SYNJ2BP: variants seen among roughly 807,000 people sequenced by gnomAD.
SYNJ2BP encodes synaptojanin-2-binding protein.
SYNJ2BP carries 10 observed loss-of-function variants against 16.9 expected under a neutral mutation model. The observed-to-expected ratio is 0.59, with a 90% CI of 0.36 to 1.00. SYNJ2BP has a LOEUF of 1.00. SYNJ2BP is among the 50% of genes least tolerant of loss of function. The probability of loss-of-function intolerance (pLI) is 0.01; values close to 1 mark genes in which losing one functional copy is unlikely to be tolerated. For missense variants in SYNJ2BP, 162 were observed against 186.7 expected (o/e 0.87, Z 0.77); for synonymous variants, 54 against 68.4 (o/e 0.79, Z 1.04).
At chr14:70,376,972 G>C (rs1887644544) in intron 2 of SYNJ2BP, among the ~76,000 whole-genome samples, 2 of 152,122 alleles carry the variant, frequency 1.3e-5, no homozygotes, top group African/African-American at 4.8e-5. Flanking sequence ...AATACAGTTG[G>C]TGAATGAATC....
At chr14:70,410,320 G>A (rs1190724146) in intron 1 of SYNJ2BP, among the ~76,000 whole-genome samples, 1 of 151,876 alleles carries the variant, frequency 6.6e-6, no homozygotes, top group East Asian at 1.9e-4. Flanking sequence ...GCTACTTGAG[G>A]GGCTGAGACA....
Position 70,366,978 on chromosome 14 carries a change from T to C in SYNJ2BP, c.*6013A>G, listed in dbSNP as rs1887401653. On this transcript the variant is annotated 3_prime_UTR_variant, in exon 4 of 4. Transcript: ENST00000256366. ...CAAACTAGGAGGAAGGACTAACCCTTTTCCTGGGATTAGTAACTAAATTTA... is the reference window on the plus strand; with the variant it reads ...CAAACTAGGAGGAAGGACTAACCCTCTTCCTGGGATTAGTAACTAAATTTA... 1 of 152,200 alleles carries C rather than the reference T, an allele frequency of 6.6e-6. No homozygotes were observed. The highest frequency in any genetic ancestry group is 6.5e-5 in the Admixed American group (1 of 15,284). 9.4% of individuals were successfully genotyped at this position (152,200 alleles called of 1,614,324 possible).
intron 1 of SYNJ2BP, among the ~76,000 whole-genome samples, chr14:70,413,636 C>CA (rs986469369): frequency 6.6e-6 from 1 of 151,772 alleles, no homozygotes; most frequent in South Asian, 2.1e-4. Context: ...AGACGCGTCT[C>CA]AAAAAAAAGA....
At chr14:70,400,085 A>G (rs935174737) in intron 1 of SYNJ2BP, among the ~76,000 whole-genome samples, 2 of 152,262 alleles carry the variant, frequency 1.3e-5, no homozygotes, top group Non-Finnish European at 2.9e-5. Flanking sequence ...GGATTATTTC[A>G]GTCTTCCATT....
chr14:70,399,251 A>C (rs556861329), intron 1 of SYNJ2BP, among the ~76,000 whole-genome samples: 1 of 152,216 alleles, frequency 6.6e-6, no homozygotes, highest in South Asian at 2.1e-4. Context: ...CCCTGGCCTC[A>C]CGGCCCCTCT....
intron 1 of SYNJ2BP, among the ~76,000 whole-genome samples, chr14:70,416,574 GA>G (rs1379856885): frequency 6.6e-6 from 1 of 151,950 alleles, no homozygotes; most frequent in African/African-American, 2.4e-5. Flanking sequence ...ACAGGCAACG[GA>G]AAGAAGGATG....
intron 1 of SYNJ2BP, among the ~76,000 whole-genome samples, chr14:70,402,577 C>T (rs1888262863): frequency 6.6e-6 from 1 of 151,662 alleles, no homozygotes; most frequent in South Asian, 2.1e-4. Flanking sequence ...ACAGGTGGTG[C>T]ACCTGTAGTC....
chr14:70,372,840 G>T lies in SYNJ2BP; in HGVS notation c.*151C>A. ...CTTTACTTTCCCATTAGAATATGAA[G>T]AATTGGAGACTGTGAACAGCAAGGT... On this transcript the variant is annotated 3_prime_UTR_variant, in exon 4 of 4. Transcript: ENST00000256366. The T allele has an allele frequency of 8.8e-7, 1 of 1,136,454 alleles. No individual in the cohort carries two copies. The highest frequency in any genetic ancestry group is 1.2e-6 in the Non-Finnish European group (1 of 806,442). The allele number at this position is 1,136,454 out of a possible 1,614,324, so 70.4% of individuals were successfully genotyped here.
At chr14:70,374,013 A>G (rs1887572568) in intron 3 of SYNJ2BP, among the ~76,000 whole-genome samples, 1 of 152,188 alleles carries the variant, frequency 6.6e-6, no homozygotes, top group Admixed American at 6.5e-5. Context: ...TTTTTCATTC[A>G]TTTGCTGATG....
intron 2 of SYNJ2BP, 130 bp downstream of exon 2, chr14:70,388,340 T>C (rs1390578164): frequency 7.6e-7 from 1 of 1,307,852 alleles, no homozygotes; most frequent in Non-Finnish European, 9.8e-7. Context: ...CTGATCAAAG[T>C]TGTTCCCATT....
rs1248792808 is a variant in SYNJ2BP at position 70,367,878 on chromosome 14, G to A, written c.*5113C>T. 6.6e-6 allele frequency: 1 copy of A among 152,126 alleles called. No homozygotes were observed. The highest frequency in any genetic ancestry group is 1.5e-5 in the Non-Finnish European group (1 of 68,036). 9.4% of individuals were successfully genotyped at this position (152,126 alleles called of 1,614,324 possible). A position where few individuals can be genotyped will look rare whatever the true frequency, so the allele number is the denominator to read the frequency against. ...TCATATGCTGAGCAATTTCAGCTTA[G>A]AGTGACTAAGTGTTATTTATCTCTC... On this transcript the variant is annotated 3_prime_UTR_variant, in exon 4 of 4. Transcript: ENST00000256366.
intron 1 of SYNJ2BP, among the ~76,000 whole-genome samples, chr14:70,406,904 C>T (rs1888356682): frequency 6.6e-6 from 1 of 152,176 alleles, no homozygotes; most frequent in African/African-American, 2.4e-5. Context: ...GTGAATGAAA[C>T]TCTTTCTCTA....
intron 1 of SYNJ2BP, among the ~76,000 whole-genome samples, chr14:70,393,590 G>C (rs1888024705): frequency 6.6e-6 from 1 of 152,138 alleles, no homozygotes; most frequent in Non-Finnish European, 1.5e-5. Context: ...AAGAAAATTG[G>C]CACATATATA....
At chr14:70,403,629 C>T (rs915638749) in intron 1 of SYNJ2BP, among the ~76,000 whole-genome samples, 1 of 152,192 alleles carries the variant, frequency 6.6e-6, no homozygotes, top group Non-Finnish European at 1.5e-5. Flanking sequence ...GGAAATTACC[C>T]TATATGGTCT....
chr14:70,367,099 T>TC lies in SYNJ2BP; in HGVS notation c.*5891dup, dbSNP rs1311177496. 4 of 152,218 alleles carry TC rather than the reference T, an allele frequency of 2.6e-5. No homozygotes were observed. In the East Asian group the frequency reaches 7.7e-4, roughly 29 times the overall value. The allele number at this position is 152,218 out of a possible 1,614,324, so 9.4% of individuals were successfully genotyped here. On this transcript the variant is annotated 3_prime_UTR_variant, in exon 4 of 4. Transcript: ENST00000256366. The stretch of plus-strand genomic sequence containing the variant: ...ACTTTAGCTCTCGCCCCTTTCATTC[T>TC]CCCCCTGCAAGAACAAAGGCAAAAT...
chr14:70,417,080 A>C lies in SYNJ2BP; in HGVS notation c.-117T>G. On this transcript the variant is annotated 5_prime_UTR_variant, in exon 1 of 4. Coordinates refer to ENST00000256366, the MANE Select transcript of SYNJ2BP (RefSeq NM_018373.3). ...CGGTTTCGGTTTCAGCAGCCTCGAG[A>C]CCCGGAAAAGGAAGCCCGAAGGACT... 6.6e-7 allele frequency: 1 copy of C among 1,519,320 alleles called. No individual in the cohort carries two copies. The highest frequency in any genetic ancestry group is 1.2e-5 in the South Asian group (1 of 82,556). The allele number at this position is 1,519,320 out of a possible 1,614,324, so 94.1% of individuals were successfully genotyped here. A position where few individuals can be genotyped will look rare whatever the true frequency, so the allele number is the denominator to read the frequency against.
At position 70,373,053 on chromosome 14, in the gene SYNJ2BP, G is replaced by A. The variant is rs1381741436; in HGVS notation, c.376C>T (p.Pro126Ser). 1 of 1,613,998 alleles carries A rather than the reference G, an allele frequency of 6.2e-7. No homozygotes were observed. Among genetic ancestry groups the A allele is most frequent in the Non-Finnish European group, 8.5e-7 (1 of 1,180,032 alleles). Reference protein sequence around the residue: ...SGIPIFMVLVPVFALTMVAAW... With the variant: ...SGIPIFMVLVSVFALTMVAAW... Reference sequence around the variant, plus strand: ...GCTACCATGGTGAGGGCAAACACTGGCACCAGCACCATAAATATGGGAATA... The same window carrying A: ...GCTACCATGGTGAGGGCAAACACTGACACCAGCACCATAAATATGGGAATA... Residue 126 changes from proline (P) to serine (S), a missense_variant, in exon 4 of 4, where the codon CCA becomes TCA. By Grantham distance (74) the Pro-to-Ser change is moderately conservative (BLOSUM62 -1). Transcript: ENST00000256366.
chr14:70,388,455 G>T lies in SYNJ2BP; in HGVS notation c.201+15C>A. 2 of 1,537,490 alleles carry T rather than the reference G, an allele frequency of 1.3e-6. No individual in the cohort carries two copies. The highest frequency in any genetic ancestry group is 1.7e-6 in the Non-Finnish European group (2 of 1,143,814). On this transcript the variant is annotated intron_variant, in intron 2 of 3. Coordinates refer to ENST00000256366, the MANE Select transcript of SYNJ2BP (RefSeq NM_018373.3). ...GGAGCAAAGGACAGTGAAGGAGGCC[G>T]AAGCCCATTCTCACCGAAAGGATCT...
chr14:70,414,876 T>C (rs529828420), intron 1 of SYNJ2BP, among the ~76,000 whole-genome samples: 2 of 152,318 alleles, frequency 1.3e-5, no homozygotes, highest in African/African-American at 4.8e-5. Context: ...CAGATTTTGA[T>C]TGAAAAGTAA....
Sources: allele counts gnomAD v4.1 joint callset (sites outside exome capture counted in the v4.1 genomes callset), GRCh38; gene constraint gnomAD v4.1.1; transcripts MANE v1.5; gene names NCBI Gene and HGNC (gene_info 2026-07-23, HGNC 2026-07-21).